The following LRRC4C variants were observed in gnomAD, a reference collection of about 807,000 sequenced individuals.
The protein encoded by LRRC4C is leucine rich repeat containing 4C, also known as leucine-rich repeat-containing protein 4C.
A neutral mutation model predicts 33.6 loss-of-function variants in LRRC4C; 5 were observed. The observed-to-expected ratio is 0.15, with a 90% CI of 0.08 to 0.31. LRRC4C has a LOEUF of 0.31. Ranked by LOEUF, LRRC4C falls within the 10% of genes least tolerant of loss-of-function variation. The pLI is 1.00. For synonymous variants in LRRC4C, 329 were observed against 302.0 expected, an observed-to-expected ratio of 1.09 and a Z score of -0.93; for missense variants, 560 against 796.7, an observed-to-expected ratio of 0.70 and a Z score of 3.58.
intron 5 of LRRC4C, among the ~76,000 whole-genome samples, chr11:40,156,708 A>T (rs1472632182): frequency 6.6e-6 from 1 of 152,042 alleles, no homozygotes; most frequent in African/African-American, 2.4e-5. Context: ...TACCTAACCA[A>T]GGAGTCAAAA....
intron 3 of LRRC4C, among the ~76,000 whole-genome samples, chr11:40,347,345 G>A (rs1438989294): frequency 6.6e-6 from 1 of 152,126 alleles, no homozygotes; most frequent in Non-Finnish European, 1.5e-5. Flanking sequence ...ACTACATTAG[G>A]CTTTGTCTTA....
intron 2 of LRRC4C, among the ~76,000 whole-genome samples, chr11:40,825,730 G>A (rs1952133766): frequency 6.6e-6 from 1 of 151,532 alleles, no homozygotes; most frequent in Non-Finnish European, 1.5e-5. Flanking sequence ...TTTCCTGACA[G>A]AAGACACGAC....
chr11:41,047,007 AATT>A (rs1857820747), intron 1 of LRRC4C, among the ~76,000 whole-genome samples: 1 of 152,264 alleles, frequency 6.6e-6, no homozygotes, highest in South Asian at 2.1e-4. Flanking sequence ...AGAAAAAATA[AATT>A]AATTAGGCTT....
chr11:40,723,757 T>C (rs1289101425), intron 2 of LRRC4C, among the ~76,000 whole-genome samples: 1 of 151,974 alleles, frequency 6.6e-6, no homozygotes, highest in Non-Finnish European at 1.5e-5. Flanking sequence ...ACCTCACATA[T>C]CAATATTAAG....
At chr11:40,457,096 TA>T (rs1023037823) in intron 3 of LRRC4C, among the ~76,000 whole-genome samples, 6 of 125,078 alleles carry the variant, frequency 4.8e-5, no homozygotes, top group Non-Finnish European at 8.4e-5. Context: ...GTGTATTTCT[TA>T]AAAAAGAAAA....
chr11:40,906,009 G>T (rs1353681899), intron 2 of LRRC4C, among the ~76,000 whole-genome samples: 2 of 152,106 alleles, frequency 1.3e-5, no homozygotes, highest in African/African-American at 4.8e-5. Context: ...AAATTTCATT[G>T]TTGTCTTATT....
chr11:41,006,321 T>C (rs999334793), intron 1 of LRRC4C, among the ~76,000 whole-genome samples: 12 of 152,192 alleles, frequency 7.9e-5, no homozygotes, highest in African/African-American at 1.2e-4. Flanking sequence ...ATCACTAATC[T>C]AAAGCTAGTT....
intron 1 of LRRC4C, among the ~76,000 whole-genome samples, chr11:41,311,425 AAC>A (rs1179182433): frequency 2.0e-5 from 3 of 152,200 alleles, no homozygotes; most frequent in African/African-American, 4.8e-5. Context: ...GGAAAAAATG[AAC>A]ACAGTTTTAT....
chr11:40,322,128 G>A (rs1945877756), intron 3 of LRRC4C, among the ~76,000 whole-genome samples: 1 of 152,146 alleles, frequency 6.6e-6, no homozygotes, highest in South Asian at 2.1e-4. Flanking sequence ...AAGGGAATAA[G>A]ATACAATATG....
intron 3 of LRRC4C, among the ~76,000 whole-genome samples, chr11:40,330,096 C>T (rs1946291677): frequency 6.6e-6 from 1 of 152,032 alleles, no homozygotes; most frequent in Admixed American, 6.6e-5. Flanking sequence ...TGAGTCATAC[C>T]AGTCGGGTGT....
intron 2 of LRRC4C, among the ~76,000 whole-genome samples, chr11:40,730,884 C>T (rs1430280247): frequency 6.6e-6 from 1 of 152,092 alleles, no homozygotes; most frequent in Non-Finnish European, 1.5e-5. Context: ...GATCTGCGTC[C>T]CTGCCAAATC....
chr11:40,569,445 C>T (rs1291357825), intron 3 of LRRC4C, among the ~76,000 whole-genome samples: 1 of 152,118 alleles, frequency 6.6e-6, no homozygotes, highest in Non-Finnish European at 1.5e-5. Context: ...AGATTGAAAG[C>T]TCTTTCCTGA....
intron 5 of LRRC4C, among the ~76,000 whole-genome samples, chr11:40,150,164 C>T (rs1025078124): frequency 6.6e-6 from 1 of 152,176 alleles, no homozygotes; most frequent in African/African-American, 2.4e-5. Context: ...CTGTGTCTCT[C>T]CTCTATGTGT....
intron 4 of LRRC4C, among the ~76,000 whole-genome samples, chr11:40,272,201 T>G (rs912458340): frequency 1.7e-4 from 26 of 152,086 alleles, no homozygotes; most frequent in African/African-American, 6.0e-4. Context: ...AATAGCTATT[T>G]GGTGGATATT....
chr11:40,466,495 A>C (rs529756030), intron 3 of LRRC4C, among the ~76,000 whole-genome samples: 129 of 152,096 alleles, frequency 8.5e-4, no homozygotes, highest in African/African-American at 2.9e-3. Context: ...GCAGGCAGTT[A>C]ATAATTATTG....
At chr11:40,667,751 C>T (rs1000339292) in intron 2 of LRRC4C, among the ~76,000 whole-genome samples, 1 of 152,080 alleles carries the variant, frequency 6.6e-6, no homozygotes, top group Admixed American at 6.6e-5. Context: ...TTGAATTAGG[C>T]CAACAACAAC....
At chr11:40,143,574 A>C (rs890427676) in intron 5 of LRRC4C, among the ~76,000 whole-genome samples, 1 of 151,870 alleles carries the variant, frequency 6.6e-6, no homozygotes, top group African/African-American at 2.4e-5. Flanking sequence ...CTATACCTAC[A>C]CCTGCACTCC....
At chr11:40,593,095 T>G (rs1959131691) in intron 3 of LRRC4C, among the ~76,000 whole-genome samples, 1 of 152,180 alleles carries the variant, frequency 6.6e-6, no homozygotes, top group Non-Finnish European at 1.5e-5. Context: ...CCTCTGCAGC[T>G]TTATTATTCA....
chr11:41,342,037 A>G (rs1252545276), intron 1 of LRRC4C, among the ~76,000 whole-genome samples: 5 of 151,462 alleles, frequency 3.3e-5, no homozygotes, highest in Non-Finnish European at 5.9e-5. Context: ...GGTTTCTCAA[A>G]GTCACATTCC....
Sources: gnomAD v4.1 joint callset for allele counts (sites outside exome capture counted in the v4.1 genomes callset) on GRCh38, gnomAD v4.1.1 for gene constraint, MANE v1.5 for transcripts, NCBI Gene and HGNC (gene_info 2026-07-23, HGNC 2026-07-21) for gene names.